RNPEP: variants seen among roughly 807,000 people sequenced by gnomAD.
RNPEP encodes the protein arginyl aminopeptidase.
Under a neutral mutation model 70.1 loss-of-function variants are expected in RNPEP, and 57 were observed. The observed-to-expected ratio is 0.81, with a 90% CI of 0.66 to 1.01. RNPEP has a LOEUF of 1.01. RNPEP is among the 50% of genes least tolerant of loss of function. RNPEP has a pLI of 0.00. For synonymous variants in RNPEP, 335 were observed against 357.4 expected (o/e 0.94, Z 0.71); for missense variants, 787 against 852.4 (o/e 0.92, Z 0.96).
chr1:201,986,535 T>TC (rs139706875), intron 1 of RNPEP, among the ~76,000 whole-genome samples: 2 of 14,426 alleles, frequency 1.4e-4, no homozygotes, highest in Non-Finnish European at 1.1e-3. Flanking sequence ...CCATTTTCTT[T>TC]CTTTTTTTTT....
intron 6 of RNPEP, chr1:202,000,301 A>T (rs531128665): frequency 1.3e-5 from 4 of 309,148 alleles, no homozygotes; most frequent in Non-Finnish European, 2.5e-5. Flanking sequence ...GCATTCCTTC[A>T]TGATCATCAG....
At chr1:201,992,820 A>G (rs754381199) in intron 3 of RNPEP, among the ~76,000 whole-genome samples, 2 of 152,208 alleles carry the variant, frequency 1.3e-5, no homozygotes, top group Non-Finnish European at 2.9e-5. Context: ...ACCTTTCTCA[A>G]TTCTTCGTGA....
At chr1:202,000,298 T>C (rs562006416) in intron 6 of RNPEP, 1 of 312,924 alleles carries the variant, frequency 3.2e-6, no homozygotes, top group South Asian at 4.4e-5. Flanking sequence ...TTCGCATTCC[T>C]TCATGATCAT....
chr1:201,986,524 G>T (rs1202413791), intron 1 of RNPEP, among the ~76,000 whole-genome samples: 1 of 124,742 alleles, frequency 8.0e-6, no homozygotes, highest in Non-Finnish European at 1.6e-5. Flanking sequence ...GAGGTAAAGT[G>T]CCATTTTCTT....
intron 3 of RNPEP, 44 bp from the exon 4 acceptor site, chr1:201,996,103 G>A: frequency 6.6e-7 from 1 of 1,503,944 alleles, no homozygotes; most frequent in South Asian, 1.1e-5. Flanking sequence ...TCACTGCGAT[G>A]GTCTCTAAAC....
intron 9 of RNPEP, 141 bp from the exon 10 acceptor site, chr1:202,004,213 A>C: frequency 1.2e-6 from 1 of 848,206 alleles, no homozygotes; most frequent in South Asian, 1.8e-5. Flanking sequence ...TTTTTAGTAG[A>C]GATGGGGTTT....
chr1:202,004,369 T>C lies in RNPEP; in HGVS notation c.1667T>C (p.Leu556Pro), dbSNP rs1380238157. ...SPLPPGNVKKLGDTYPSISNA... is the reference protein window; with the variant it reads ...SPLPPGNVKKPGDTYPSISNA... ...TCTTCTCCAGGGAATGTGAAAAAAC[T>C]TGGAGACACATACCCAAGTATCTCA... The change falls in exon 10 of 11, where the codon CTT becomes CCT. Residue 556 changes from leucine (L) to proline (P), a missense_variant. Physicochemically the swap from Leu to Pro is moderately conservative, Grantham distance 98. Transcript: ENST00000295640. 1 of 1,614,030 alleles carries C rather than the reference T, an allele frequency of 6.2e-7. No individual in the cohort carries two copies. The highest frequency in any genetic ancestry group is 8.5e-7 in the Non-Finnish European group (1 of 1,179,998).
At chr1:201,990,084 A>G (rs1683272349) in intron 3 of RNPEP, among the ~76,000 whole-genome samples, 1 of 152,082 alleles carries the variant, frequency 6.6e-6, no homozygotes, top group African/African-American at 2.4e-5. Context: ...ACCTCAGGTG[A>G]TTCACCCGCC....
chr1:201,986,069 C>T (rs940881472), intron 1 of RNPEP, among the ~76,000 whole-genome samples: 2 of 152,082 alleles, frequency 1.3e-5, no homozygotes, highest in Non-Finnish European at 1.5e-5. Context: ...GGACTACAGG[C>T]GCATACAACT....
At chr1:202,002,400 G>A (rs1409568822) in intron 8 of RNPEP, among the ~76,000 whole-genome samples, 1 of 152,186 alleles carries the variant, frequency 6.6e-6, no homozygotes, top group Non-Finnish European at 1.5e-5. Flanking sequence ...GACCTCAGGT[G>A]ATCCACCTGC....
At chr1:202,003,007 G>T in intron 8 of RNPEP, 1 of 511,062 alleles carries the variant, frequency 2.0e-6, no homozygotes, top group Non-Finnish European at 3.5e-6. Flanking sequence ...ACAACACAGT[G>T]CTAATTTGGA....
intron 1 of RNPEP, among the ~76,000 whole-genome samples, chr1:201,984,579 A>G (rs1327235010): frequency 4.6e-5 from 7 of 151,876 alleles, no homozygotes; most frequent in Non-Finnish European, 7.4e-5. Context: ...ACACCACTGC[A>G]CTCCAGCCTG....
At chr1:202,003,839 A>G (rs1683938435) in intron 9 of RNPEP, among the ~76,000 whole-genome samples, 1 of 152,194 alleles carries the variant, frequency 6.6e-6, no homozygotes, top group Non-Finnish European at 1.5e-5. Context: ...TGTGATGTTA[A>G]TACCCAGGTG....
intron 6 of RNPEP, chr1:202,000,225 G>C (rs559681874): frequency 2.1e-5 from 10 of 483,310 alleles, no homozygotes; most frequent in African/African-American, 1.9e-4. Flanking sequence ...CAGTCTGTGC[G>C]GTTCGTGATG....
rs370078199 is a variant in RNPEP, at chr1:201,989,497, A to G, written c.703A>G (p.Ile235Val). 3.1e-6 allele frequency: 5 copies of G among 1,614,014 alleles called. No homozygotes were observed. Among genetic ancestry groups the G allele is most frequent in the Admixed American group, 1.7e-5 (1 of 59,980 alleles). ...PIPSYLIALAIGDLVSAEVGP... is the reference protein window; with the variant it reads ...PIPSYLIALAVGDLVSAEVGP... The stretch of plus-strand genomic sequence containing the variant: ...CCCCTCCTATCTGATAGCTTTGGCC[A>G]TCGGAGATCTGGTTTCGGCTGAAGT... Residue 235 changes from isoleucine (I) to valine (V), a missense_variant, in exon 3 of 11, where the codon ATC (isoleucine) becomes GTC (valine). Ile to Val is a conservative substitution (Grantham distance 29). Transcript: ENST00000295640.
rs199931910 is a variant in RNPEP at position 202,001,377 on chromosome 1, C to T, written c.1206C>T (p.Gly402=). Reference sequence around the variant, plus strand: ...CTTGTCTGCTTTCTCCTCTGCCAGGCGTTGACCCGGACGACACCTATAATG... The same window carrying T: ...CTTGTCTGCTTTCTCCTCTGCCAGGTGTTGACCCGGACGACACCTATAATG... ...LNKLRVKIEP[G]VDPDDTYNET... Residue 402 remains glycine, a splice_region_variant and synonymous_variant, in exon 7 of 11, where the codon GGC becomes GGT. Coordinates refer to ENST00000295640, the MANE Select transcript of RNPEP (RefSeq NM_020216.4). 3.0e-5 allele frequency: 49 copies of T among 1,609,562 alleles called. No homozygotes were observed. Among genetic ancestry groups the T allele is most frequent in the Admixed American group, 8.3e-5 (5 of 59,972 alleles).
chr1:202,001,048 C>T (rs931992638), intron 6 of RNPEP: 10 of 290,512 alleles, frequency 3.4e-5, no homozygotes, highest in Admixed American at 4.9e-5. Context: ...GAAATGTGTC[C>T]GCTCCTCTGG....
In RNPEP at chr1:201,994,068, C is replaced by G. The variant is rs550736681; in HGVS notation, c.738-2079C>G. ...CATGTTCTGCTGTTTTTCTTCTGCC[C>G]CCATTGACCCTCCTCTGGCTTCTGT... On this transcript the variant is annotated intron_variant, in intron 3 of 10. Coordinates refer to ENST00000295640, the MANE Select transcript of RNPEP (RefSeq NM_020216.4). Among the ~76,000 whole-genome samples, 16 of 152,252 alleles carry G rather than the reference C, an allele frequency of 1.1e-4. No individual in the cohort carries two copies. In the South Asian group the frequency reaches 3.3e-3, roughly 32 times the overall value.
rs139224389 is a variant in RNPEP, at chr1:201,985,591, C to G, written c.447+2478C>G. Among the ~76,000 whole-genome samples, 866 of 152,256 alleles carry G rather than the reference C, an allele frequency of 5.7e-3. 11 individuals carry two copies. The highest frequency in any genetic ancestry group is 0.018 in the African/African-American group (762 of 41,542). ...AGCCAGTTCAGAGAGTTCCCATATA[C>G]AGTTCAGTACCTCCTACATACACAT... is the stretch of plus-strand genomic sequence containing the variant. On this transcript the variant is annotated intron_variant, in intron 1 of 10. Transcript: ENST00000295640.
Sources: gnomAD v4.1 joint callset for allele counts (sites outside exome capture counted in the v4.1 genomes callset) on GRCh38, gnomAD v4.1.1 for gene constraint, MANE v1.5 for transcripts, NCBI Gene and HGNC (gene_info 2026-07-23, HGNC 2026-07-21) for gene names.